The following CSMD2 variants were observed in gnomAD, a reference collection of about 807,000 sequenced individuals.
The protein encoded by CSMD2 is CUB and sushi domain-containing protein 2.
In CSMD2, 130 loss-of-function variants were observed where a neutral mutation model predicts 398.5. That is an observed-to-expected ratio of 0.33 (90% confidence interval 0.28 to 0.38). CSMD2 has a LOEUF of 0.38. CSMD2 is among the 10% of genes least tolerant of loss of function. The pLI, the probability that CSMD2 is intolerant of heterozygous loss-of-function variation, is 1.00. For synonymous variants in CSMD2, 1,828 were observed against 1,908.5 expected, an observed-to-expected ratio of 0.96 and a Z score of 1.10; for missense variants, 3,829 against 4,764.9, an observed-to-expected ratio of 0.80 and a Z score of 5.78.
At chr1:33,591,274 C>T (rs1639436094) in intron 44 of CSMD2, among the ~76,000 whole-genome samples, 1 of 152,168 alleles carries the variant, frequency 6.6e-6, no homozygotes, top group African/African-American at 2.4e-5. Context: ...AGGCGTGAGC[C>T]ACCATGCTCG....
chr1:33,616,774 T>C (rs561041908), intron 39 of CSMD2, 132 bp downstream of exon 39: 1 of 666,664 alleles, frequency 1.5e-6, no homozygotes, highest in African/African-American at 1.8e-5. Context: ...CAGTTTAAAA[T>C]GACTGACTTG....
Position 33,514,752 on chromosome 1 carries a change from G to A in CSMD2, c.*1872C>T. On this transcript the variant is annotated 3_prime_UTR_variant, in exon 71 of 71. Coordinates refer to ENST00000373381, the MANE Select transcript of CSMD2 (RefSeq NM_001281956.2). Reference sequence around the variant, plus strand: ...TGAGAGTGTGAGTGTGTCTGGATTGGCCCTCTCCCTCCAGGCCCAGGGGGG... The same window carrying A: ...TGAGAGTGTGAGTGTGTCTGGATTGACCCTCTCCCTCCAGGCCCAGGGGGG... 1 of 152,388 alleles carries A rather than the reference G, an allele frequency of 6.6e-6. No homozygotes were observed. The highest frequency in any genetic ancestry group is 1.5e-5 in the Non-Finnish European group (1 of 68,200). 9.4% of individuals were successfully genotyped at this position (152,388 alleles called of 1,614,324 possible).
At chr1:33,614,729 T>C in intron 39 of CSMD2, 109 bp from the exon 40 acceptor site, 1 of 643,936 alleles carries the variant, frequency 1.6e-6, no homozygotes, top group South Asian at 1.9e-5. Flanking sequence ...CTTTCATGAG[T>C]CATATAGCCC....
intron 3 of CSMD2, among the ~76,000 whole-genome samples, chr1:34,012,740 T>C (rs1301160621): frequency 2.0e-5 from 3 of 152,344 alleles, no homozygotes; most frequent in East Asian, 3.9e-4. Context: ...GCCTAGAATT[T>C]CAAATTATGC....
At chr1:34,165,772 A>T (rs1641834203), upstream of CSMD2, 3 of 1,613,804 alleles carry the variant, frequency 1.9e-6, no homozygotes, top group Non-Finnish European at 1.7e-6. Flanking sequence ...GGTGGCTTTG[A>T]ACTTGCCATC....
At chr1:33,534,035 T>C (rs1464961222) in intron 62 of CSMD2, 128 bp from the exon 63 acceptor site, 5 of 614,358 alleles carry the variant, frequency 8.1e-6, no homozygotes, top group Non-Finnish European at 1.2e-5. Context: ...TTTCTGATTC[T>C]CCGCCTGGTT....
At chr1:33,566,441 C>T (rs1045427083) in intron 53 of CSMD2, among the ~76,000 whole-genome samples, 11 of 151,874 alleles carry the variant, frequency 7.2e-5, no homozygotes, top group South Asian at 2.1e-4. Context: ...AAATGGGAGA[C>T]GGCAAAATTA....
intron 1 of CSMD2, among the ~76,000 whole-genome samples, chr1:34,117,074 T>C (rs937360758): frequency 6.6e-6 from 1 of 151,924 alleles, no homozygotes; most frequent in South Asian, 2.1e-4. Flanking sequence ...TAACTTTACA[T>C]GTAAAAGAAC....
At chr1:34,130,009 C>T (rs542042338) in intron 1 of CSMD2, among the ~76,000 whole-genome samples, 35 of 152,308 alleles carry the variant, frequency 2.3e-4, no homozygotes, top group African/African-American at 7.9e-4. Context: ...GAACATGAGA[C>T]TCCAGGCCCT....
At chr1:33,848,810 G>GTT (rs35897729) in intron 5 of CSMD2, among the ~76,000 whole-genome samples, 2,760 of 142,642 alleles carry the variant, frequency 0.019, 35 homozygotes, top group Non-Finnish European at 0.023. Context: ...CGTATTGTGG[G>GTT]TTTTTTTTTT....
chr1:34,066,696 C>T (rs190492887), intron 2 of CSMD2, among the ~76,000 whole-genome samples: 11 of 152,172 alleles, frequency 7.2e-5, no homozygotes, highest in East Asian at 1.9e-4. Flanking sequence ...CGGGCTTGGA[C>T]GCAGCAGGAT....
At chr1:33,734,880 T>A (rs1429048948) in intron 15 of CSMD2, among the ~76,000 whole-genome samples, 1 of 152,222 alleles carries the variant, frequency 6.6e-6, no homozygotes, top group Non-Finnish European at 1.5e-5. Context: ...AAGCAGAATA[T>A]TCTTAAAGCT....
chr1:34,103,543 C>T (rs139145349), intron 1 of CSMD2, among the ~76,000 whole-genome samples: 3 of 152,070 alleles, frequency 2.0e-5, no homozygotes, highest in African/African-American at 4.8e-5. Context: ...GATTCGCCCA[C>T]CTCGGCCTCC....
intron 5 of CSMD2, among the ~76,000 whole-genome samples, chr1:33,852,533 G>C (rs1638786499): frequency 6.6e-6 from 1 of 152,194 alleles, no homozygotes; most frequent in Non-Finnish European, 1.5e-5. Flanking sequence ...CTGGCTACTT[G>C]GGAAAATATC....
At chr1:33,622,302 A>C in intron 36 of CSMD2, 31 bp from the exon 37 acceptor site, 2 of 1,545,004 alleles carry the variant, frequency 1.3e-6, no homozygotes, top group Non-Finnish European at 1.8e-6. Flanking sequence ...AAAACCATTT[A>C]AGTTTGGCTC....
rs779955911 is a variant in CSMD2, at chr1:33,662,874, G to A, written c.4255+16C>T. 1.2e-6 allele frequency: 2 copies of A among 1,613,238 alleles called. No individual in the cohort carries two copies. Among genetic ancestry groups the A allele is most frequent in the South Asian group, 1.1e-5 (1 of 91,058 alleles). On this transcript the variant is annotated intron_variant, in intron 26 of 70. Coordinates refer to ENST00000373381, the MANE Select transcript of CSMD2 (RefSeq NM_001281956.2). The stretch of plus-strand genomic sequence containing the variant: ...CAGGACATGTGGAGTGGGGCTGGCA[G>A]AGGGCACGCACAGACCTGAAAATTG...
chr1:34,159,328 G>GCACC (rs1641095480), intron 1 of CSMD2, among the ~76,000 whole-genome samples: 1 of 80,548 alleles, frequency 1.2e-5, no homozygotes, highest in African/African-American at 5.7e-5. Flanking sequence ...TTTACAGCCT[G>GCACC]CCCCCCCCCC....
At chr1:33,700,734 C>T (rs1269669470) in intron 22 of CSMD2, 61 bp from the exon 23 acceptor site, 11 of 1,542,608 alleles carry the variant, frequency 7.1e-6, no homozygotes, top group Non-Finnish European at 9.8e-6. Flanking sequence ...TGAACAACAC[C>T]TCCTTACCCC....
chr1:34,016,029 G>A (rs1308475335), intron 3 of CSMD2, among the ~76,000 whole-genome samples: 1 of 151,892 alleles, frequency 6.6e-6, no homozygotes, highest in Non-Finnish European at 1.5e-5. Flanking sequence ...GTGTGTGTGT[G>A]TGTGTGTGTG....
Sources: allele counts gnomAD v4.1 joint callset (sites outside exome capture counted in the v4.1 genomes callset), GRCh38; gene constraint gnomAD v4.1.1; transcripts MANE v1.5; gene names NCBI Gene and HGNC (gene_info 2026-07-23, HGNC 2026-07-21).